DLEU7: variants seen among roughly 807,000 people sequenced by gnomAD.
DLEU7 encodes deleted in lymphocytic leukemia 7, also known as leukemia-associated protein 7.
In DLEU7, 17 loss-of-function variants were observed where a neutral mutation model predicts 16.0. The observed-to-expected ratio is 1.06, with a 90% CI of 0.73 to 1.59. The LOEUF is 1.59. Among genes scored for constraint, DLEU7 ranks in the 40% most tolerant of loss-of-function variants. The probability of loss-of-function intolerance (pLI) is 0.00; values close to 1 mark genes in which losing one functional copy is unlikely to be tolerated. For missense variants in DLEU7, 308 were observed against 314.9 expected (o/e 0.98, Z 0.17); for synonymous variants, 113 against 139.8 (o/e 0.81, Z 1.35).
intron 1 of DLEU7, among the ~76,000 whole-genome samples, chr13:50,729,389 T>A (rs77209296): frequency 6.6e-6 from 1 of 152,176 alleles, no homozygotes; most frequent in Admixed American, 6.5e-5. Flanking sequence ...TGCATAGTAT[T>A]CCATGATATA....
chr13:50,766,201 C>T (rs1314897542), intron 1 of DLEU7, among the ~76,000 whole-genome samples: 1 of 152,152 alleles, frequency 6.6e-6, no homozygotes, highest in African/African-American at 2.4e-5. Flanking sequence ...AGCAACAGGG[C>T]TCACTGAGCA....
chr13:50,812,358 T>C (rs1876598141), intron 1 of DLEU7, among the ~76,000 whole-genome samples: 1 of 152,152 alleles, frequency 6.6e-6, no homozygotes, highest in Admixed American at 6.5e-5. Context: ...CCGGCGAAGA[T>C]GCATTTCGGG....
intron 1 of DLEU7, among the ~76,000 whole-genome samples, chr13:50,795,972 CG>C (rs1219019137): frequency 6.6e-6 from 1 of 152,108 alleles, no homozygotes; most frequent in Non-Finnish European, 1.5e-5. Context: ...TTAGGAACTA[CG>C]TACTTTTCAT....
intron 1 of DLEU7, among the ~76,000 whole-genome samples, chr13:50,760,509 G>A: frequency 6.6e-6 from 1 of 152,086 alleles, no homozygotes; most frequent in East Asian, 1.9e-4. Context: ...TTACAGGCAT[G>A]TGCCACCAGG....
At chr13:50,723,408 A>G (rs1873673376) in intron 1 of DLEU7, among the ~76,000 whole-genome samples, 1 of 140,752 alleles carries the variant, frequency 7.1e-6, no homozygotes, top group South Asian at 2.2e-4. Context: ...GTTTTAAACA[A>G]TAATTGTACA....
chr13:50,816,380 G>C (rs1876734876), intron 1 of DLEU7, among the ~76,000 whole-genome samples: 1 of 152,068 alleles, frequency 6.6e-6, no homozygotes, highest in Non-Finnish European at 1.5e-5. Context: ...GAGGAAATAG[G>C]TGTCTAACAA....
At chr13:50,713,831 G>A (rs1873362804) in intron 1 of DLEU7, among the ~76,000 whole-genome samples, 1 of 152,176 alleles carries the variant, frequency 6.6e-6, no homozygotes, top group South Asian at 2.1e-4. Flanking sequence ...AACACGGGAT[G>A]GGGACTGTAA....
At chr13:50,771,205 A>C (rs1404934541) in intron 1 of DLEU7, among the ~76,000 whole-genome samples, 1 of 152,108 alleles carries the variant, frequency 6.6e-6, no homozygotes, top group Non-Finnish European at 1.5e-5. Context: ...TGATCTTTTC[A>C]AAAAACCAGC....
rs1877727575 is a variant in DLEU7 at position 50,843,167 on chromosome 13, G to A, written c.459+21C>T. ...GGAGGTTACCCTGCACGCCAGAGGGGATGGCGGGGGCCAGACTCACCTTCA... is the reference window on the plus strand; with the variant it reads ...GGAGGTTACCCTGCACGCCAGAGGGAATGGCGGGGGCCAGACTCACCTTCA... On this transcript the variant is annotated intron_variant, in intron 1 of 1. Coordinates refer to ENST00000504404, the MANE Select transcript of DLEU7 (RefSeq NM_001306135.2). The surrounding 1 kb of genome is among the most constrained non-coding windows in gnomAD (Gnocchi z 5.7). 2 of 1,580,664 alleles carry A rather than the reference G, an allele frequency of 1.3e-6. No individual in the cohort carries two copies. The highest frequency in any genetic ancestry group is 1.4e-5 in the African/African-American group (1 of 72,172).
At chr13:50,786,439 A>G (rs921466251) in intron 1 of DLEU7, among the ~76,000 whole-genome samples, 14 of 152,198 alleles carry the variant, frequency 9.2e-5, no homozygotes, top group African/African-American at 3.4e-4. Context: ...ACAATTTACC[A>G]TGTAGGTTAA....
At position 50,765,364 on chromosome 13, in the gene DLEU7, G is replaced by A. The variant is rs560735005; in HGVS notation, c.460-52124C>T. Among the ~76,000 whole-genome samples, 5 of 152,240 alleles carry A rather than the reference G, an allele frequency of 3.3e-5. No individual in the cohort carries two copies. In the South Asian group the frequency reaches 1.0e-3, roughly 32 times the overall value. ...AGGACTTTAGAAAGCGAAGCCTGAA[G>A]GGTGCAGACAGGGGAAGGAAAAAGG... On this transcript the variant is annotated intron_variant, in intron 1 of 1. Transcript: ENST00000400393.
chr13:50,796,567 A>G (rs906199790), intron 1 of DLEU7, among the ~76,000 whole-genome samples: 3 of 152,198 alleles, frequency 2.0e-5, no homozygotes, highest in Non-Finnish European at 2.9e-5. Flanking sequence ...GCAGTTGGCC[A>G]CAGTTAACAA....
intron 1 of DLEU7, among the ~76,000 whole-genome samples, chr13:50,757,463 G>A (rs886123357): frequency 4.6e-5 from 7 of 152,186 alleles, no homozygotes; most frequent in Non-Finnish European, 1.0e-4. Context: ...AATGATCAGA[G>A]ATTCTGAGAT....
intron 1 of DLEU7, among the ~76,000 whole-genome samples, chr13:50,759,984 C>G (rs962305070): frequency 2.0e-5 from 3 of 152,226 alleles, no homozygotes; most frequent in African/African-American, 7.2e-5. Context: ...GCTCATCAGT[C>G]AGTGTCAGCT....
At chr13:50,835,549 C>T (rs1442746764) in intron 1 of DLEU7, among the ~76,000 whole-genome samples, 1 of 152,196 alleles carries the variant, frequency 6.6e-6, no homozygotes, top group East Asian at 1.9e-4. Context: ...GTTGGCCCAT[C>T]CCTCCTCCCT....
chr13:50,780,370 G>A (rs1875619029), intron 1 of DLEU7, among the ~76,000 whole-genome samples: 1 of 152,164 alleles, frequency 6.6e-6, no homozygotes, highest in Admixed American at 6.5e-5. Flanking sequence ...TGGATTTATT[G>A]GCATTCACGA....
chr13:50,719,434 T>C (rs1437202374), intron 1 of DLEU7, among the ~76,000 whole-genome samples: 5 of 152,156 alleles, frequency 3.3e-5, no homozygotes, highest in African/African-American at 7.2e-5. Context: ...TTTAGTAAGG[T>C]TTTCAATTAA....
chr13:50,763,708 C>T (rs555263632), intron 1 of DLEU7, among the ~76,000 whole-genome samples: 2 of 152,350 alleles, frequency 1.3e-5, no homozygotes, highest in South Asian at 4.1e-4. Context: ...CCAATCCTAG[C>T]TCCCGGATCT....
At chr13:50,752,648 T>A (rs1049819123) in intron 1 of DLEU7, among the ~76,000 whole-genome samples, 3 of 151,860 alleles carry the variant, frequency 2.0e-5, no homozygotes, top group Admixed American at 2.0e-4. Context: ...CGGTGAGTGT[T>A]ACAGCTCTTA....
Sources: allele counts gnomAD v4.1 joint callset (sites outside exome capture counted in the v4.1 genomes callset), GRCh38; gene constraint gnomAD v4.1.1; non-coding constraint Gnocchi (gnomAD v3.1); transcripts MANE v1.5; gene names NCBI Gene and HGNC (gene_info 2026-07-23, HGNC 2026-07-21).